C3orf52: variants seen among roughly 807,000 people sequenced by gnomAD.
C3orf52 encodes TPA-induced transmembrane protein.
C3orf52 carries 22 observed loss-of-function variants against 24.8 expected under a neutral mutation model. That is an observed-to-expected ratio of 0.89 (90% CI 0.63 to 1.27). The LOEUF is 1.27. Ranked by LOEUF, C3orf52 falls within the 50% of genes most tolerant of loss-of-function variation. The probability of loss-of-function intolerance (pLI) is 0.00; values close to 1 mark genes in which losing one functional copy is unlikely to be tolerated. For missense variants in C3orf52, 265 were observed against 260.7 expected (o/e 1.02, Z -0.11); for synonymous variants, 93 against 100.2 (o/e 0.93, Z 0.43).
intron 3 of C3orf52, among the ~76,000 whole-genome samples, chr3:112,104,105 C>T (rs570847277): frequency 1.3e-5 from 2 of 152,280 alleles, no homozygotes; most frequent in South Asian, 2.1e-4. Context: ...GAGGTATTCT[C>T]ACTCAATAAG....
intron 4 of C3orf52, chr3:112,112,200 G>A (rs559450425): frequency 1.3e-4 from 20 of 152,374 alleles, no homozygotes; most frequent in African/African-American, 4.1e-4. Context: ...TTAAAGAGTA[G>A]CATTAGACAC....
exon 5 of C3orf52, chr3:112,128,714 T>A (rs2107809712): frequency 6.1e-6 from 1 of 162,946 alleles, no homozygotes; most frequent in Admixed American, 5.7e-5. Flanking sequence ...CCACCTTGAC[T>A]CCAACGATAT....
chr3:112,112,739 G>A (rs1338068191), intron 4 of C3orf52: 4 of 549,026 alleles, frequency 7.3e-6, no homozygotes, highest in Admixed American at 2.9e-5. Context: ...CTAGAGGATA[G>A]GTACTAGGTG....
At chr3:112,099,071 T>C (rs1337458072) in intron 2 of C3orf52, among the ~76,000 whole-genome samples, 1 of 152,150 alleles carries the variant, frequency 6.6e-6, no homozygotes, top group Admixed American at 6.5e-5. Context: ...GGCTCTTTGT[T>C]GTTTGCTCTT....
downstream of C3orf52, chr3:112,134,233 C>G: frequency 6.6e-6 from 1 of 152,296 alleles, no homozygotes; most frequent in East Asian, 1.9e-4. Context: ...CATCAACTTT[C>G]AAACCATTCA....
In C3orf52 at chr3:112,117,562, G is replaced by T. The variant is rs771745293; in HGVS notation, c.*916G>T. 6 of 152,182 alleles carry T rather than the reference G, an allele frequency of 3.9e-5. No homozygotes were observed. The highest frequency in any genetic ancestry group is 8.8e-5 in the Non-Finnish European group (6 of 68,088). The allele number at this position is 152,182 out of a possible 1,614,324, so 9.4% of individuals were successfully genotyped here. On this transcript the variant is annotated 3_prime_UTR_variant, in exon 6 of 6. Transcript: ENST00000264848. ...TTAAGGCTGTTTAATATCTGCTCTG[G>T]ATATTACGCATTGGCTTTTTGTTGC... is the stretch of plus-strand genomic sequence containing the variant.
intron 3 of C3orf52, among the ~76,000 whole-genome samples, chr3:112,106,667 A>G (rs116109450): frequency 0.023 from 3,458 of 152,254 alleles, 54 homozygotes; most frequent in South Asian, 0.068. Flanking sequence ...AACAGTATAC[A>G]TATTGTTATT....
chr3:112,095,788 G>GT (rs1249833907), intron 2 of C3orf52, among the ~76,000 whole-genome samples: 1 of 146,810 alleles, frequency 6.8e-6, no homozygotes, highest in Non-Finnish European at 1.5e-5. Flanking sequence ...AGACGTGGGG[G>GT]TGGGGGGAGA....
exon 5 of C3orf52, chr3:112,128,418 T>C: frequency 2.5e-6 from 1 of 397,928 alleles, no homozygotes; most frequent in Non-Finnish European, 4.8e-6. Flanking sequence ...AAATCATTTT[T>C]TTCAGGTATG....
chr3:112,126,374 T>G (rs2107804624), intron 4 of C3orf52, among the ~76,000 whole-genome samples: 1 of 152,306 alleles, frequency 6.6e-6, no homozygotes, highest in South Asian at 2.1e-4. Flanking sequence ...CTTTCTTATT[T>G]TTATTTTTAG....
downstream of C3orf52, chr3:112,131,048 G>C (rs1198991560): frequency 1.3e-5 from 2 of 156,626 alleles, no homozygotes; most frequent in African/African-American, 2.4e-5. Flanking sequence ...CTTCCCACTT[G>C]TTGGGAATTG....
Position 112,093,490 on chromosome 3 carries a change from G to A in C3orf52, c.268+1G>A, listed in dbSNP as rs760497208. 3 of 1,612,234 alleles carry A rather than the reference G, an allele frequency of 1.9e-6. No homozygotes were observed. Among genetic ancestry groups the A allele is most frequent in the Non-Finnish European group, 2.5e-6 (3 of 1,179,088 alleles). ...ATCATAGGCTTATGTCTTGCTGCAGGTAAGAGGATTTAGATGTGAATAAAT... is the reference window on the plus strand; with the variant it reads ...ATCATAGGCTTATGTCTTGCTGCAGATAAGAGGATTTAGATGTGAATAAAT... On this transcript the variant is annotated splice_donor_variant, in intron 2 of 5. Coordinates refer to ENST00000264848, the MANE Select transcript of C3orf52 (RefSeq NM_024616.3). LOFTEE classifies it high-confidence loss of function.
intron 2 of C3orf52, among the ~76,000 whole-genome samples, chr3:112,095,986 G>A (rs1413897984): frequency 1.3e-5 from 2 of 152,104 alleles, no homozygotes; most frequent in Admixed American, 6.5e-5. Flanking sequence ...TGTTGTCTGG[G>A]GATAAAAACA....
At chr3:112,097,897 G>C (rs2073939553) in intron 2 of C3orf52, among the ~76,000 whole-genome samples, 1 of 152,096 alleles carries the variant, frequency 6.6e-6, no homozygotes, top group Non-Finnish European at 1.5e-5. Context: ...TTTATGCCTA[G>C]TGTTCCATTA....
intron 4 of C3orf52, chr3:112,112,705 C>T (rs2074095426): frequency 4.3e-6 from 2 of 468,104 alleles, no homozygotes; most frequent in African/African-American, 4.0e-5. Flanking sequence ...ACCTCTACCT[C>T]TGATGGCCTC....
At chr3:112,088,318 C>T (rs2073847675) in intron 1 of C3orf52, among the ~76,000 whole-genome samples, 1 of 152,170 alleles carries the variant, frequency 6.6e-6, no homozygotes, top group South Asian at 2.1e-4. Context: ...AATATAGGCT[C>T]ATTAAAAAGA....
At chr3:112,118,908 T>C (rs2074163795), downstream of C3orf52, among the ~76,000 whole-genome samples, 1 of 152,236 alleles carries the variant, frequency 6.6e-6, no homozygotes, top group African/African-American at 2.4e-5. Context: ...TGTGTCTGAT[T>C]CTTTTTTGCC....
chr3:112,123,672 T>C (rs1408486372), intron 4 of C3orf52: 3 of 1,614,060 alleles, frequency 1.9e-6, no homozygotes, highest in South Asian at 1.1e-5. Context: ...AACATTCTCA[T>C]AGTACTCTTC....
intron 5 of C3orf52, among the ~76,000 whole-genome samples, chr3:112,113,951 G>GCCAACAAT (rs2074110517): frequency 6.6e-6 from 1 of 152,182 alleles, no homozygotes; most frequent in East Asian, 1.9e-4. Context: ...AGCCCCTAAT[G>GCCAACAAT]CCAACAATCT....
Sources: gnomAD v4.1 joint callset for allele counts (sites outside exome capture counted in the v4.1 genomes callset) on GRCh38, gnomAD v4.1.1 for gene constraint, MANE v1.5 for transcripts, NCBI Gene and HGNC (gene_info 2026-07-23, HGNC 2026-07-21) for gene names.